The following NPAS3 variants were observed in gnomAD, a reference collection of about 807,000 sequenced individuals.
NPAS3 encodes the protein neuronal PAS domain-containing protein 3.
In NPAS3, 14 loss-of-function variants were observed where a neutral mutation model predicts 73.1. The observed-to-expected ratio is 0.19, with a 90% CI of 0.13 to 0.30. NPAS3 has a LOEUF of 0.30. NPAS3 is among the 10% of genes least tolerant of loss of function. NPAS3 has a pLI of 1.00. For missense variants in NPAS3, 1,096 were observed against 1,250.0 expected (o/e 0.88, Z 1.86); for synonymous variants, 620 against 541.5 (o/e 1.14, Z -2.01).
At chr14:33,284,183 G>C (rs1177224598) in intron 3 of NPAS3, among the ~76,000 whole-genome samples, 1 of 152,112 alleles carries the variant, frequency 6.6e-6, no homozygotes, top group Non-Finnish European at 1.5e-5. Flanking sequence ...ACAGCCAACA[G>C]ATATTAGAGG....
At chr14:33,041,527 C>T (rs1321113937) in intron 1 of NPAS3, among the ~76,000 whole-genome samples, 1 of 152,050 alleles carries the variant, frequency 6.6e-6, no homozygotes, top group Non-Finnish European at 1.5e-5. Context: ...AAAAGTGTTT[C>T]TCAAAGTGTA....
rs142596842 is a variant in NPAS3 at position 33,636,505 on chromosome 14, A to C, written c.559-39706A>C. Among the ~76,000 whole-genome samples, 519 of 152,296 alleles carry C rather than the reference A, an allele frequency of 3.4e-3. 3 individuals carry two copies. The highest frequency in any genetic ancestry group is 0.012 in the African/African-American group (491 of 41,558). On this transcript the variant is annotated intron_variant, in intron 5 of 11. Transcript: ENST00000356141. ...GCTCCTGAAGTTACACTCCAAGGGC[A>C]TGTCAGGACTTTCCTAACGCCACAG...
At chr14:33,453,679 AT>A (rs1294920619) in intron 4 of NPAS3, among the ~76,000 whole-genome samples, 15 of 152,312 alleles carry the variant, frequency 9.8e-5, no homozygotes, top group Non-Finnish European at 2.2e-4. Flanking sequence ...ACCAGTTCGG[AT>A]TTTAAGATAA....
intron 6 of NPAS3, among the ~76,000 whole-genome samples, chr14:33,689,823 G>T (rs1015363707): frequency 3.9e-5 from 6 of 152,062 alleles, no homozygotes; most frequent in African/African-American, 1.4e-4. Flanking sequence ...CCATCCCACT[G>T]CTCCTAGCTT....
At chr14:33,036,235 G>A (rs1160305961) in intron 1 of NPAS3, among the ~76,000 whole-genome samples, 1 of 152,182 alleles carries the variant, frequency 6.6e-6, no homozygotes, top group African/African-American at 2.4e-5. Flanking sequence ...AGGGTAGGAA[G>A]CCCAAGGGGC....
At chr14:33,793,828 TAAAA>T (rs36025922) in intron 9 of NPAS3, 65 bp from the exon 10 acceptor site, 34,373 of 1,277,280 alleles carry the variant, frequency 0.027, 1 homozygote, top group South Asian at 0.039. Flanking sequence ...TTTGCAGAGA[TAAAA>T]AAAAAAAAAA....
At chr14:33,720,628 G>T (rs1232707824) in intron 6 of NPAS3, among the ~76,000 whole-genome samples, 2 of 152,194 alleles carry the variant, frequency 1.3e-5, no homozygotes, top group Non-Finnish European at 2.9e-5. Context: ...TGTGTGACAG[G>T]TTAGGCATTT....
At chr14:33,502,431 G>C (rs1359409689) in intron 4 of NPAS3, among the ~76,000 whole-genome samples, 1 of 151,838 alleles carries the variant, frequency 6.6e-6, no homozygotes. Flanking sequence ...GCTGCTCTTC[G>C]TTGGGGAGAG....
At chr14:33,009,519 G>A (rs998678767) in intron 1 of NPAS3, among the ~76,000 whole-genome samples, 3 of 152,170 alleles carry the variant, frequency 2.0e-5, no homozygotes, top group African/African-American at 4.8e-5. Flanking sequence ...ATGTAGTAAT[G>A]ATGACGGTGG....
In NPAS3 at chr14:32,978,524, T is replaced by G. The variant is rs533246428; in HGVS notation, c.50+39158T>G. 5.2e-3 allele frequency among the ~76,000 whole-genome samples: 778 copies of G among 150,802 alleles called. 10 individuals carry two copies. The highest frequency in any genetic ancestry group is 0.018 in the African/African-American group (741 of 40,932). On this transcript the variant is annotated intron_variant, in intron 1 of 11. Coordinates refer to ENST00000356141, the Ensembl canonical transcript of NPAS3. Reference sequence around the variant, plus strand: ...TTGTGTATTTATAAATATTAGCAGTTTTTTTTTTGTGGATTGGGGAGCTAG... The same window carrying G: ...TTGTGTATTTATAAATATTAGCAGTGTTTTTTTTGTGGATTGGGGAGCTAG...
At chr14:33,432,460 A>G (rs2048823421) in intron 4 of NPAS3, among the ~76,000 whole-genome samples, 1 of 152,192 alleles carries the variant, frequency 6.6e-6, no homozygotes, top group South Asian at 2.1e-4. Flanking sequence ...ATGAAATTAC[A>G]ATCTCTAGGA....
At chr14:33,726,495 A>G (rs1161803654) in intron 6 of NPAS3, among the ~76,000 whole-genome samples, 3 of 152,168 alleles carry the variant, frequency 2.0e-5, no homozygotes, top group Non-Finnish European at 4.4e-5. Context: ...GATGGGCGTG[A>G]TTCCTTCACC....
intron 3 of NPAS3, among the ~76,000 whole-genome samples, chr14:33,343,868 G>A (rs554634110): frequency 6.0e-4 from 92 of 152,098 alleles, no homozygotes; most frequent in Non-Finnish European, 9.0e-4. Flanking sequence ...CTGCTCTGGC[G>A]TCCTCAGTGC....
At chr14:33,266,467 T>G (rs1324105036) in intron 3 of NPAS3, among the ~76,000 whole-genome samples, 1 of 152,188 alleles carries the variant, frequency 6.6e-6, no homozygotes, top group Non-Finnish European at 1.5e-5. Flanking sequence ...AAGATGATTA[T>G]GCCATTTTAG....
At chr14:33,049,428 A>G (rs899026064) in intron 1 of NPAS3, among the ~76,000 whole-genome samples, 4 of 152,246 alleles carry the variant, frequency 2.6e-5, no homozygotes, top group Non-Finnish European at 5.9e-5. Flanking sequence ...TCACAGTTCC[A>G]CATGGCTGGG....
intron 4 of NPAS3, among the ~76,000 whole-genome samples, chr14:33,398,407 T>TAAA (rs57064212): frequency 1.4e-5 from 2 of 142,832 alleles, no homozygotes; most frequent in Non-Finnish European, 1.5e-5. Context: ...TATTTTCCTT[T>TAAA]AAAAAAAAAA....
intron 2 of NPAS3, among the ~76,000 whole-genome samples, chr14:33,062,083 G>A (rs891552637): frequency 2.0e-4 from 31 of 152,152 alleles, no homozygotes; most frequent in African/African-American, 7.0e-4. Flanking sequence ...TCAGATCCCA[G>A]AGGACTGCCA....
At chr14:33,155,143 G>C (rs2044601542) in intron 2 of NPAS3, among the ~76,000 whole-genome samples, 1 of 152,152 alleles carries the variant, frequency 6.6e-6, no homozygotes, top group South Asian at 2.1e-4. Flanking sequence ...CTTTTGCCTT[G>C]GGATGAGTGC....
At chr14:33,224,971 A>T (rs984484526) in intron 3 of NPAS3, among the ~76,000 whole-genome samples, 6 of 152,110 alleles carry the variant, frequency 3.9e-5, no homozygotes, top group Admixed American at 6.6e-5. Flanking sequence ...GTTTTATTTT[A>T]AAAAAATCAC....
Sources: gnomAD v4.1 joint callset for allele counts (sites outside exome capture counted in the v4.1 genomes callset) on GRCh38, gnomAD v4.1.1 for gene constraint, MANE v1.5 for transcripts, NCBI Gene and HGNC (gene_info 2026-07-23, HGNC 2026-07-21) for gene names.